Variants in SYT17 observed in about 807,000 individuals in gnomAD.
The protein encoded by SYT17 is synaptotagmin-17.
In SYT17, 22 loss-of-function variants were observed where a neutral mutation model predicts 46.7. The observed-to-expected ratio is 0.47, with a 90% CI of 0.34 to 0.67. SYT17 has a LOEUF of 0.67. SYT17 is among the 30% of genes least tolerant of loss of function. SYT17 has a pLI of 0.01. For synonymous variants in SYT17, 251 were observed against 248.4 expected (o/e 1.01, Z -0.10); for missense variants, 519 against 612.8 (o/e 0.85, Z 1.62).
At chr16:19,261,411 G>A (rs976746267) in intron 7 of SYT17, among the ~76,000 whole-genome samples, 1 of 152,168 alleles carries the variant, frequency 6.6e-6, no homozygotes, top group African/African-American at 2.4e-5. Context: ...TCACTCAAGC[G>A]CTCCCACCTT....
chr16:19,173,311 A>C, intron 2 of SYT17, 119 bp from the exon 3 acceptor site: 1 of 667,180 alleles, frequency 1.5e-6, no homozygotes, highest in Non-Finnish European at 2.5e-6. Context: ...CTGAATGTCT[A>C]TTTCTCATCC....
At chr16:19,193,038 A>AAAGGTGG (rs1177407721) in intron 5 of SYT17, among the ~76,000 whole-genome samples, 1 of 152,086 alleles carries the variant, frequency 6.6e-6, no homozygotes, top group Non-Finnish European at 1.5e-5. Flanking sequence ...GTGAAAGGTG[A>AAAGGTGG]AAGGTGGAAG....
In SYT17 at chr16:19,184,219, T is replaced by G. The variant is rs548594988; in HGVS notation, c.951+72T>G. On this transcript the variant is annotated intron_variant, in intron 5 of 7. Transcript: ENST00000355377. ...AGTGATTATTTTTATTTTATTTTAC[T>G]GTTTAAAAGGCTTTTTTGGATTTTT... 5.0e-4 allele frequency: 757 copies of G among 1,503,720 alleles called. 4 individuals carry two copies. In the African/African-American group the frequency reaches 9.7e-3, roughly 19 times the overall value. The allele number at this position is 1,503,720 out of a possible 1,614,324, so 93.1% of individuals were successfully genotyped here.
At chr16:19,180,702 G>A (rs1964517146) in intron 4 of SYT17, among the ~76,000 whole-genome samples, 163 bp downstream of exon 4, 1 of 152,164 alleles carries the variant, frequency 6.6e-6, no homozygotes, top group Non-Finnish European at 1.5e-5. Context: ...TGTGACAGAG[G>A]AGGGCATCAC....
chr16:19,265,255 C>T (rs1176075998), intron 7 of SYT17, among the ~76,000 whole-genome samples: 1 of 152,174 alleles, frequency 6.6e-6, no homozygotes, highest in African/African-American at 2.4e-5. Flanking sequence ...CCTATTATTT[C>T]TCTTTGTAAG....
intron 5 of SYT17, among the ~76,000 whole-genome samples, chr16:19,199,268 G>T (rs1212351815): frequency 6.6e-6 from 1 of 151,308 alleles, no homozygotes; most frequent in Non-Finnish European, 1.5e-5. Context: ...AGCCTGTGAG[G>T]TATGGTGACC....
intron 1 of SYT17, chr16:19,172,367 G>A: frequency 2.2e-6 from 3 of 1,392,440 alleles, no homozygotes; most frequent in Non-Finnish European, 1.8e-6. Context: ...AGCTAATCAT[G>A]TCCTTTTGGG....
Position 19,190,224 on chromosome 16 carries a change from A to T in SYT17, c.951+6077A>T, listed in dbSNP as rs141300332. On this transcript the variant is annotated intron_variant, in intron 5 of 7. Coordinates refer to ENST00000355377, the MANE Select transcript of SYT17 (RefSeq NM_016524.4). Reference sequence around the variant, plus strand: ...GTCTCTACTAAAAATACAAAAAATTAGTGAGGTGTGGTGGCGGGCACCTAT... The same window carrying T: ...GTCTCTACTAAAAATACAAAAAATTTGTGAGGTGTGGTGGCGGGCACCTAT... 2.8e-3 allele frequency among the ~76,000 whole-genome samples: 434 copies of T among 152,318 alleles called. 1 individual carries two copies. Among genetic ancestry groups the T allele is most frequent in the African/African-American group, 1.0e-2 (414 of 41,568 alleles).
chr16:19,263,674 A>C (rs900338970), intron 7 of SYT17, among the ~76,000 whole-genome samples: 1 of 151,268 alleles, frequency 6.6e-6, no homozygotes, highest in Non-Finnish European at 1.5e-5. Context: ...GAAAAAAAAA[A>C]CTTGGACATA....
At chr16:19,177,201 T>G (rs1964349427) in intron 3 of SYT17, among the ~76,000 whole-genome samples, 1 of 152,058 alleles carries the variant, frequency 6.6e-6, no homozygotes, top group Admixed American at 6.5e-5. Context: ...TTGCCACTAG[T>G]AGAGAAGTGG....
At chr16:19,177,893 A>G (rs780271443) in intron 3 of SYT17, among the ~76,000 whole-genome samples, 3 of 152,232 alleles carry the variant, frequency 2.0e-5, no homozygotes, top group Non-Finnish European at 4.4e-5. Flanking sequence ...CAGAGCTCTT[A>G]CAGCCCTCTC....
chr16:19,201,092 C>T lies in SYT17; in HGVS notation c.951+16945C>T, dbSNP rs569999852. On this transcript the variant is annotated intron_variant, in intron 5 of 7. Transcript: ENST00000355377. ...CTTCAGCACCAGGTCCCACTGAGGCCCCAGCTACTGCCGGACAGTCCAGGG... is the reference window on the plus strand; with the variant it reads ...CTTCAGCACCAGGTCCCACTGAGGCTCCAGCTACTGCCGGACAGTCCAGGG... Among the ~76,000 whole-genome samples the T allele has an allele frequency of 4.6e-5, 7 of 152,298 alleles. No individual in the cohort carries two copies. The East Asian group carries it at 1.4e-3, about 29-fold the overall frequency.
At position 19,252,450 on chromosome 16, in the gene SYT17, C is replaced by CATATATATACACATAT. The variant is rs1338256562; in HGVS notation, c.1229-14423_1229-14422insTACACATATATATATA. ...ATACATATATATACATATATATACA[C>CATATATATACACATAT]ATATATACATATATATATACATATA... On this transcript the variant is annotated intron_variant, in intron 7 of 7. Coordinates refer to ENST00000355377, the MANE Select transcript of SYT17 (RefSeq NM_016524.4). Among the ~76,000 whole-genome samples, 4 of 23,102 alleles carry CATATATATACACATAT rather than the reference C, an allele frequency of 1.7e-4. 2 individuals are homozygous for CATATATATACACATAT. In the Admixed American group the frequency reaches 3.1e-3, roughly 18 times the overall value. 15.2% of individuals were successfully genotyped at this position (23,102 alleles called of 152,430 possible). A position where few individuals can be genotyped will look rare whatever the true frequency, so the allele number is the denominator to read the frequency against.
chr16:19,241,733 T>C (rs970519902), intron 7 of SYT17, among the ~76,000 whole-genome samples: 4 of 152,126 alleles, frequency 2.6e-5, no homozygotes, highest in South Asian at 4.1e-4. Context: ...TCCCCACAGC[T>C]ACGGCGGGGC....
intron 5 of SYT17, among the ~76,000 whole-genome samples, chr16:19,203,425 C>T (rs1487301633): frequency 6.6e-6 from 1 of 152,070 alleles, no homozygotes; most frequent in Non-Finnish European, 1.5e-5. Context: ...TGAGCCTGCA[C>T]CATCATCGAA....
rs1964635061 is a variant in SYT17 at position 19,183,466 on chromosome 16, C to A, written c.332-62C>A. ...AACAATGCAAGAATCTGCTTACCTG[C>A]AAAGTGGCCCAGGTCTGCCCCGTAT... is the stretch of plus-strand genomic sequence containing the variant. On this transcript the variant is annotated intron_variant, in intron 4 of 7. Coordinates refer to ENST00000355377, the MANE Select transcript of SYT17 (RefSeq NM_016524.4). This position sits in a 1 kb window ranked among gnomAD's most constrained non-coding sequence, Gnocchi z 5.6. The A allele has an allele frequency of 2.5e-6, 4 of 1,588,774 alleles. No individual in the cohort carries two copies. The Middle Eastern group carries it at 6.8e-4, about 269-fold the overall frequency.
chr16:19,259,705 C>T lies in SYT17; in HGVS notation c.1229-7175C>T, dbSNP rs960636214. Among the ~76,000 whole-genome samples, 4 of 150,554 alleles carry T rather than the reference C, an allele frequency of 2.7e-5. No individual in the cohort carries two copies. The East Asian group carries it at 7.8e-4, about 29-fold the overall frequency. ...TGATTTTTTTTTTTTTCTTGCCACA[C>T]TCCATATTATACAGGTTGTTGAGAA... On this transcript the variant is annotated intron_variant, in intron 7 of 7. Coordinates refer to ENST00000355377, the MANE Select transcript of SYT17 (RefSeq NM_016524.4).
intron 5 of SYT17, among the ~76,000 whole-genome samples, chr16:19,187,216 C>A (rs532611565): frequency 1.3e-5 from 2 of 152,044 alleles, no homozygotes; most frequent in African/African-American, 4.8e-5. Flanking sequence ...TAAAAAAATA[C>A]ATTTTGCAGA....
intron 7 of SYT17, among the ~76,000 whole-genome samples, chr16:19,263,127 T>G (rs1377724461): frequency 6.6e-6 from 1 of 151,736 alleles, no homozygotes; most frequent in Admixed American, 6.6e-5. Flanking sequence ...GTGTATACGA[T>G]TCAGTGCTTT....
Sources: allele counts gnomAD v4.1 joint callset (sites outside exome capture counted in the v4.1 genomes callset), GRCh38; gene constraint gnomAD v4.1.1; non-coding constraint Gnocchi (gnomAD v3.1); transcripts MANE v1.5; gene names NCBI Gene and HGNC (gene_info 2026-07-23, HGNC 2026-07-21).